The following PGCKA1 variants were observed in gnomAD, a reference collection of about 807,000 sequenced individuals.
PGCKA1 encodes PDCD10 and GCKIII kinases associated 1.
the PGCKA1 span, among the ~76,000 whole-genome samples, chr4:37,577,160 A>G: frequency 3.3e-5 from 5 of 152,096 alleles, no homozygotes; most frequent in African/African-American, 9.7e-5. Context: ...TAGGATTGGT[A>G]TTAGTTCTTC....
At chr4:37,510,356 G>A in the PGCKA1 span, among the ~76,000 whole-genome samples, 2 of 151,978 alleles carry the variant, frequency 1.3e-5, no homozygotes, top group Admixed American at 1.3e-4. Flanking sequence ...TCCTCCTTGG[G>A]AAGGCTTTAT....
the PGCKA1 span, among the ~76,000 whole-genome samples, chr4:37,554,089 TC>T: frequency 1.3e-5 from 2 of 152,146 alleles, no homozygotes; most frequent in Non-Finnish European, 2.9e-5. Context: ...CGTGGTATTC[TC>T]ATGATACTGA....
chr4:37,505,036 G>A, the PGCKA1 span, among the ~76,000 whole-genome samples: 4 of 152,130 alleles, frequency 2.6e-5, no homozygotes, highest in African/African-American at 9.7e-5. Context: ...TCCCCATTCA[G>A]TATGATACCA....
chr4:37,591,620 G>C, the PGCKA1 span: 2 of 152,322 alleles, frequency 1.3e-5, no homozygotes, highest in African/African-American at 4.8e-5. Flanking sequence ...CATTAGCTGA[G>C]ATGTTGATTT....
chr4:37,585,956 T>G, the PGCKA1 span, among the ~76,000 whole-genome samples: 1 of 151,734 alleles, frequency 6.6e-6, no homozygotes, highest in Non-Finnish European at 1.5e-5. Flanking sequence ...CTACTTGACA[T>G]TGTTAATACT....
At chr4:37,565,246 A>G in the PGCKA1 span, among the ~76,000 whole-genome samples, 3 of 152,094 alleles carry the variant, frequency 2.0e-5, no homozygotes, top group African/African-American at 7.2e-5. Flanking sequence ...CTTTTCACCC[A>G]TGATATTCTG....
the PGCKA1 span, among the ~76,000 whole-genome samples, chr4:37,556,860 T>C: frequency 6.6e-6 from 1 of 152,186 alleles, no homozygotes; most frequent in African/African-American, 2.4e-5. Context: ...AATACTATGA[T>C]AAAAAATAAG....
chr4:37,491,630 A>G, the PGCKA1 span, among the ~76,000 whole-genome samples: 1 of 152,138 alleles, frequency 6.6e-6, no homozygotes, highest in South Asian at 2.1e-4. Context: ...CTATGTTGTA[A>G]AATTTCACAA....
the PGCKA1 span, among the ~76,000 whole-genome samples, chr4:37,567,477 C>CA: frequency 6.6e-6 from 1 of 152,198 alleles, no homozygotes; most frequent in Non-Finnish European, 1.5e-5. Flanking sequence ...CACTGAAACT[C>CA]ACGGAGGGGA....
the PGCKA1 span, among the ~76,000 whole-genome samples, chr4:37,527,821 T>C: frequency 2.2e-5 from 3 of 133,640 alleles, no homozygotes; most frequent in South Asian, 2.4e-4. Context: ...AGAGCAAGAC[T>C]CCGTCTCAAA....
chr4:37,528,960 C>T, the PGCKA1 span, among the ~76,000 whole-genome samples: 1 of 152,166 alleles, frequency 6.6e-6, no homozygotes, highest in Non-Finnish European at 1.5e-5. Context: ...CATACTATTA[C>T]TTCAGAAAAT....
the PGCKA1 span, among the ~76,000 whole-genome samples, chr4:37,524,491 G>C: frequency 6.6e-6 from 1 of 152,210 alleles, no homozygotes. Flanking sequence ...TTCCCCCAGG[G>C]GGAGCAACGG....
chr4:37,474,808 T>C, the PGCKA1 span, among the ~76,000 whole-genome samples: 760 of 152,266 alleles, frequency 5.0e-3, 12 homozygotes, highest in African/African-American at 0.018. Context: ...TTCCCACCTC[T>C]CCTCAGAATA....
the PGCKA1 span, among the ~76,000 whole-genome samples, chr4:37,494,716 G>A: frequency 6.6e-6 from 1 of 152,130 alleles, no homozygotes; most frequent in African/African-American, 2.4e-5. Context: ...TTTCCACAAT[G>A]GCTGAACTAA....
At chr4:37,484,727 G>T in the PGCKA1 span, among the ~76,000 whole-genome samples, 3 of 152,200 alleles carry the variant, frequency 2.0e-5, no homozygotes, top group Non-Finnish European at 4.4e-5. Context: ...TCATAAAAGA[G>T]ACCTCAGAGA....
the PGCKA1 span, among the ~76,000 whole-genome samples, chr4:37,571,352 A>ATCCTTTTTT: frequency 9.4e-3 from 1,019 of 108,656 alleles, 25 homozygotes; most frequent in Middle Eastern, 0.018. Context: ...AGAGACTATT[A>ATCCTTTTTT]TCCTTTTTTT....
the PGCKA1 span, among the ~76,000 whole-genome samples, chr4:37,501,946 A>G: frequency 6.6e-6 from 1 of 152,110 alleles, no homozygotes; most frequent in Non-Finnish European, 1.5e-5. Flanking sequence ...ACTGTGGTAT[A>G]AGGTAGGTTT....
chr4:37,458,157 T>C, the PGCKA1 span, among the ~76,000 whole-genome samples: 69 of 152,194 alleles, frequency 4.5e-4, no homozygotes, highest in African/African-American at 1.5e-3. Flanking sequence ...AAGAGGTTAA[T>C]TGATTTGTCC....
At chr4:37,521,750 G>C in the PGCKA1 span, among the ~76,000 whole-genome samples, 6 of 152,108 alleles carry the variant, frequency 3.9e-5, no homozygotes, top group Non-Finnish European at 7.4e-5. Context: ...TTGATTTTCT[G>C]TCTAAAAGAT....
Sources: allele counts gnomAD v4.1 joint callset (sites outside exome capture counted in the v4.1 genomes callset), GRCh38; gene constraint gnomAD v4.1.1; transcripts MANE v1.5; gene names NCBI Gene and HGNC (gene_info 2026-07-23, HGNC 2026-07-21).